Variants in RASAL2 observed in about 807,000 individuals in gnomAD.
The protein encoded by RASAL2 is RAS protein activator like 2.
A neutral mutation model predicts 128.9 loss-of-function variants in RASAL2; 58 were observed. The ratio of observed to expected loss-of-function variants is 0.45; its 90% confidence interval spans 0.36 to 0.56. RASAL2 has a LOEUF of 0.56. RASAL2 is among the 20% of genes least tolerant of loss of function. The pLI, the probability that RASAL2 is intolerant of heterozygous loss-of-function variation, is 0.00. For missense variants in RASAL2, 1,360 were observed against 1,601.6 expected, an observed-to-expected ratio of 0.85 and a Z score of 2.57; for synonymous variants, 561 against 580.8, an observed-to-expected ratio of 0.97 and a Z score of 0.49.
chr1:178,277,612 G>A (rs1223584660), intron 1 of RASAL2, among the ~76,000 whole-genome samples: 2 of 152,204 alleles, frequency 1.3e-5, no homozygotes, highest in African/African-American at 2.4e-5. Context: ...GTTAGCTGTG[G>A]TGTGGAAATG....
rs758669307 is a variant in RASAL2, at chr1:178,454,545, A to G, written c.2108A>G (p.Asp703Gly). The change falls in exon 12 of 18, where the codon GAC becomes GGC. Residue 703 changes from aspartate to glycine, a missense_variant. Around this residue, in one of 3 missense-constraint regions of RASAL2, gnomAD observed 741 missense variants for 868.6 expected, o/e 0.85. Transcript: ENST00000367649. The part of the protein sequence containing the change: ...KRFLLEISNP[D>G]TISNTPGFDG... The stretch of plus-strand genomic sequence containing the variant: ...TTTCTTTTGGAGATCTCTAATCCAG[A>G]CACCATCTCAAACACCCCAGGCTTT... 3.1e-6 allele frequency: 5 copies of G among 1,613,822 alleles called. No individual in the cohort carries two copies. The highest frequency in any genetic ancestry group is 4.2e-6 in the Non-Finnish European group (5 of 1,179,736).
In RASAL2 at chr1:178,237,969, A is replaced by G. The variant is rs1379348951; in HGVS notation, c.203-45595A>G. On this transcript the variant is annotated intron_variant, in intron 1 of 17. Coordinates refer to ENST00000367649, the MANE Select transcript of RASAL2 (RefSeq NM_170692.4). ...CCAAGTACCTCATATAAGTGGAATC[A>G]TAATATTCTTTTGTACAGTTTATTT... is the stretch of plus-strand genomic sequence containing the variant. Among the ~76,000 whole-genome samples, 3 of 152,224 alleles carry G rather than the reference A, an allele frequency of 2.0e-5. No homozygotes were observed. In the East Asian group the frequency reaches 5.8e-4, roughly 29 times the overall value.
intron 1 of RASAL2, among the ~76,000 whole-genome samples, chr1:178,162,353 A>C (rs1661340627): frequency 7.9e-6 from 1 of 125,798 alleles, no homozygotes; most frequent in Non-Finnish European, 1.6e-5. Flanking sequence ...TGTGTATATA[A>C]TATATAATAT....
chr1:178,440,799 G>C (rs1182699441), intron 6 of RASAL2, among the ~76,000 whole-genome samples: 1 of 152,108 alleles, frequency 6.6e-6, no homozygotes, highest in African/African-American at 2.4e-5. Context: ...CAACAGGCTG[G>C]TTGCGTAGTG....
At chr1:178,433,937 T>C (rs900144935) in intron 5 of RASAL2, among the ~76,000 whole-genome samples, 4 of 151,634 alleles carry the variant, frequency 2.6e-5, no homozygotes, top group Non-Finnish European at 5.9e-5. Context: ...AAAGTCAGTG[T>C]TATTGAACTT....
In RASAL2 at chr1:178,477,722, G is replaced by A. The variant is rs1453682346; in HGVS notation, c.*4483G>A. ...TTTCTGAATGTTAATCCATTTTATC[G>A]AGCAGTGATTCCCAAACTTTGAGAT... On this transcript the variant is annotated 3_prime_UTR_variant, in exon 18 of 18. Coordinates refer to ENST00000367649, the MANE Select transcript of RASAL2 (RefSeq NM_170692.4). The A allele has an allele frequency of 6.6e-6, 1 of 152,038 alleles. No individual in the cohort carries two copies. The allele number at this position is 152,038 out of a possible 1,614,324, so 9.4% of individuals were successfully genotyped here. A position where few individuals can be genotyped will look rare whatever the true frequency, so the allele number is the denominator to read the frequency against.
intron 1 of RASAL2, among the ~76,000 whole-genome samples, chr1:178,282,290 A>G (rs754339039): frequency 6.6e-6 from 1 of 152,194 alleles, no homozygotes; most frequent in Non-Finnish European, 1.5e-5. Context: ...CTTAGAGAGG[A>G]CAGGAAGTTA....
intron 1 of RASAL2, chr1:178,122,925 C>T (rs1171532146): frequency 6.6e-6 from 1 of 151,318 alleles, no homozygotes; most frequent in Non-Finnish European, 1.5e-5. Context: ...ATGAGTTGAC[C>T]AGAGACTAGT....
chr1:178,465,547 GTTTTT>G (rs201534921), intron 15 of RASAL2, among the ~76,000 whole-genome samples: 1 of 151,018 alleles, frequency 6.6e-6, no homozygotes, highest in Non-Finnish European at 1.5e-5. Context: ...ACTTCATCTG[GTTTTT>G]TTTTCCCCCT....
At chr1:178,360,797 G>A (rs368824144) in intron 3 of RASAL2, among the ~76,000 whole-genome samples, 2 of 152,152 alleles carry the variant, frequency 1.3e-5, no homozygotes, top group Non-Finnish European at 1.5e-5. Flanking sequence ...TTTTCACCTC[G>A]CTTCCAGTGG....
intron 17 of RASAL2, among the ~76,000 whole-genome samples, chr1:178,472,048 G>C (rs111306639): frequency 6.6e-6 from 1 of 152,048 alleles, no homozygotes; most frequent in South Asian, 2.1e-4. Context: ...TGTTTCCTGC[G>C]TTGTTTTCTG....
intron 1 of RASAL2, among the ~76,000 whole-genome samples, chr1:178,133,400 A>T (rs1660195250): frequency 6.6e-6 from 1 of 152,042 alleles, no homozygotes; most frequent in African/African-American, 2.4e-5. Context: ...AGCAGGACAG[A>T]CTTGAATGTG....
intron 1 of RASAL2, among the ~76,000 whole-genome samples, chr1:178,208,710 C>T (rs565972712): frequency 7.2e-5 from 11 of 152,148 alleles, no homozygotes; most frequent in Non-Finnish European, 8.8e-5. Flanking sequence ...CTGCTTTTTG[C>T]GCTTTGAAGT....
At chr1:178,249,883 A>G (rs1355694813) in intron 1 of RASAL2, among the ~76,000 whole-genome samples, 1 of 152,074 alleles carries the variant, frequency 6.6e-6, no homozygotes, top group Non-Finnish European at 1.5e-5. Context: ...CCTGGTTATC[A>G]CCAGCGGAAG....
intron 3 of RASAL2, among the ~76,000 whole-genome samples, chr1:178,339,607 C>T (rs954188921): frequency 6.6e-6 from 1 of 152,184 alleles, no homozygotes; most frequent in African/African-American, 2.4e-5. Context: ...AATTTGACCA[C>T]TCAACTCAGC....
intron 3 of RASAL2, among the ~76,000 whole-genome samples, chr1:178,318,238 G>A (rs1175678873): frequency 8.9e-4 from 133 of 149,184 alleles, no homozygotes; most frequent in African/African-American, 3.1e-3. Flanking sequence ...TGGAATAGGT[G>A]TGGTGTGGTG....
chr1:178,251,993 T>C (rs1325102373), intron 1 of RASAL2, among the ~76,000 whole-genome samples: 4 of 152,108 alleles, frequency 2.6e-5, no homozygotes, highest in Non-Finnish European at 1.5e-5. Flanking sequence ...AGGTTTCAGA[T>C]TTGCCAAATT....
chr1:178,314,962 C>G (rs1174830279), intron 3 of RASAL2, among the ~76,000 whole-genome samples: 1 of 137,246 alleles, frequency 7.3e-6, no homozygotes, highest in African/African-American at 2.7e-5. Flanking sequence ...ACCACAGTCC[C>G]CAGAGTGTGA....
chr1:178,224,691 A>T (rs1486084476), intron 1 of RASAL2, among the ~76,000 whole-genome samples: 1 of 152,134 alleles, frequency 6.6e-6, no homozygotes, highest in African/African-American at 2.4e-5. Context: ...AGCATCTATC[A>T]TGTATTCTAA....
Sources: gnomAD v4.1 joint callset for allele counts (sites outside exome capture counted in the v4.1 genomes callset) on GRCh38, gnomAD v4.1.1 for gene constraint, gnomAD v4.1.1 regional missense constraint, MANE v1.5 for transcripts, NCBI Gene and HGNC (gene_info 2026-07-23, HGNC 2026-07-21) for gene names.